The following PTPRF variants were observed in gnomAD, a reference collection of about 807,000 sequenced individuals.
PTPRF encodes the protein receptor-type tyrosine-protein phosphatase F.
Under a neutral mutation model 201.8 loss-of-function variants are expected in PTPRF, and 59 were observed. The ratio of observed to expected loss-of-function variants is 0.29; its 90% CI spans 0.24 to 0.36. The LOEUF is 0.36. PTPRF is among the 10% of genes least tolerant of loss of function. The pLI, the probability that PTPRF is intolerant of heterozygous loss-of-function variation, is 1.00. For missense variants in PTPRF, 2,132 were observed against 2,690.5 expected, an observed-to-expected ratio of 0.79 and a Z score of 4.59; for synonymous variants, 1,088 against 1,089.7, an observed-to-expected ratio of 1.00 and a Z score of 0.03.
intron 6 of PTPRF, among the ~76,000 whole-genome samples, chr1:43,577,652 G>C (rs964847860): frequency 1.3e-5 from 2 of 152,140 alleles, no homozygotes; most frequent in Non-Finnish European, 2.9e-5. Flanking sequence ...AGGCAGGGGG[G>C]GCCCGGCAGC....
intron 11 of PTPRF, 101 bp from the exon 12 acceptor site, chr1:43,597,647 G>A (rs1652679684): frequency 1.5e-5 from 14 of 908,300 alleles, no homozygotes; most frequent in Non-Finnish European, 2.2e-5. Context: ...CACCTAAGGG[G>A]TAGCCTGCCC....
intron 7 of PTPRF, among the ~76,000 whole-genome samples, chr1:43,583,749 T>C (rs1480268590): frequency 1.3e-5 from 2 of 152,122 alleles, no homozygotes; most frequent in African/African-American, 4.8e-5. Context: ...CTTGGCACCC[T>C]GAGGAAGTCT....
intron 3 of PTPRF, among the ~76,000 whole-genome samples, chr1:43,547,305 C>T (rs951725656): frequency 6.6e-6 from 1 of 152,226 alleles, no homozygotes; most frequent in Non-Finnish European, 1.5e-5. Flanking sequence ...CCTTAGGAAC[C>T]AAAGCCCAAA....
chr1:43,539,315 G>A (rs1644218264), intron 2 of PTPRF, among the ~76,000 whole-genome samples: 1 of 152,188 alleles, frequency 6.6e-6, no homozygotes, highest in Admixed American at 6.5e-5. Context: ...CTGACAACAT[G>A]GTGGTGCTGT....
At chr1:43,529,185 A>C (rs1044733317), upstream of PTPRF, among the ~76,000 whole-genome samples, 1 of 152,228 alleles carries the variant, frequency 6.6e-6, no homozygotes, top group African/African-American at 2.4e-5. Flanking sequence ...GTGGTGCACC[A>C]AAATTACCAA....
In PTPRF at chr1:43,605,615, T is replaced by C. The variant is rs779610758; in HGVS notation, c.3476T>C (p.Leu1159Pro). ...TGGAGCACACCCGAGGAACTGGAGC[T>C]GGACGAGGTACCTGGGGAGGGGATG... ...PRWSTPEELE[L>P]DELLEAIEQG... is the part of the protein sequence containing the mutation. Residue 1159 changes from leucine (L) to proline (P), a missense_variant, in exon 19 of 34, where the codon CTG (leucine) becomes CCG (proline). This residue lies in a region of PTPRF where 818 missense variants were observed against 915.3 expected (regional missense o/e 0.89). Coordinates refer to ENST00000359947, the MANE Select transcript of PTPRF (RefSeq NM_002840.5). The C allele has an allele frequency of 5.6e-6, 9 of 1,613,970 alleles. No homozygotes were observed. The highest frequency in any genetic ancestry group is 1.3e-5 in the African/African-American group (1 of 74,924).
intron 23 of PTPRF, among the ~76,000 whole-genome samples, chr1:43,615,549 G>GGCT (rs1557862810): frequency 3.4e-5 from 3 of 88,280 alleles, no homozygotes; most frequent in African/African-American, 1.3e-4. Context: ...TAGCTCTGTT[G>GGCT]TCTTTTTTTT....
At position 43,592,472 on chromosome 1, in the gene PTPRF, G is replaced by A. The variant is rs3748800; in HGVS notation, c.1684G>A (p.Asp562Asn). The change falls in exon 11 of 34, where the codon GAC becomes AAC. Residue 562 changes from aspartate (D) to asparagine (N), a missense_variant. Around this residue, in one of 6 missense-constraint regions of PTPRF, gnomAD observed 351 missense variants for 401.7 expected, o/e 0.87. Coordinates refer to ENST00000359947, the MANE Select transcript of PTPRF (RefSeq NM_002840.5). Reference sequence around the variant, plus strand: ...CTCTTCCCAGCACAAGGTGACCTTCGACCCAACCTCCTCCTACACACTAGA... The same window carrying A: ...CTCTTCCCAGCACAAGGTGACCTTCAACCCAACCTCCTCCTACACACTAGA... ...DEDQQHKVTF[D>N]PTSSYTLEDL... The A allele has an allele frequency of 6.9e-4, 1,113 of 1,610,838 alleles. 12 individuals are homozygous for A. The East Asian group carries it at 0.02, about 29-fold the overall frequency.
chr1:43,542,057 T>C lies in PTPRF; in HGVS notation c.-45-2974T>C, dbSNP rs1347854692. ...GTCAGGCTAGCAGCAGCCCTGCCCC[T>C]TGTTCCTCTCCCACCTTCTCCCCAC... On this transcript the variant is annotated intron_variant, in intron 2 of 33. Coordinates refer to ENST00000359947, the MANE Select transcript of PTPRF (RefSeq NM_002840.5). This position sits in a 1 kb window ranked among gnomAD's most constrained non-coding sequence, Gnocchi z 5.2. Among the ~76,000 whole-genome samples, 1 of 152,182 alleles carries C rather than the reference T, an allele frequency of 6.6e-6. No individual in the cohort carries two copies. Among genetic ancestry groups the C allele is most frequent in the African/African-American group, 2.4e-5 (1 of 41,438 alleles).
chr1:43,620,778 C>G, intron 31 of PTPRF, 60 bp from the exon 32 acceptor site: 1 of 1,575,060 alleles, frequency 6.3e-7, no homozygotes, highest in Non-Finnish European at 8.6e-7. Context: ...CTGGTCTAGT[C>G]CAGAGGGGTG....
In PTPRF at chr1:43,606,264, G is replaced by A. The variant is rs766088168; in HGVS notation, c.3508G>A (p.Gly1170Arg). The change falls in exon 20 of 34, where the codon GGA (glycine) becomes AGA (arginine). Residue 1170 changes from glycine to arginine, a missense_variant. This residue lies in a region of PTPRF where 818 missense variants were observed against 915.3 expected (regional missense o/e 0.89). Transcript: ENST00000359947. ...DELLEAIEQG[G>R]EEQRRRRRQA... Reference sequence around the variant, plus strand: ...GCTTCTAGAAGCCATCGAGCAAGGCGGAGAGGAGCAGCGGCGGCGGCGGCG... The same window carrying A: ...GCTTCTAGAAGCCATCGAGCAAGGCAGAGAGGAGCAGCGGCGGCGGCGGCG... 1.1e-5 allele frequency: 18 copies of A among 1,613,640 alleles called. No homozygotes were observed. Among genetic ancestry groups the A allele is most frequent in the South Asian group, 8.8e-5 (8 of 91,082 alleles).
At chr1:43,536,890 A>G (rs987924103) in intron 1 of PTPRF, among the ~76,000 whole-genome samples, 1 of 152,124 alleles carries the variant, frequency 6.6e-6, no homozygotes, top group Non-Finnish European at 1.5e-5. Flanking sequence ...GAGTACCCCC[A>G]TATTGGCAGA....
chr1:43,569,604 C>G lies in PTPRF; in HGVS notation c.394C>G (p.Pro132Ala), dbSNP rs1034102532. Residue 132 changes from proline to alanine, a missense_variant, in exon 6 of 34, where the codon CCT becomes GCT. Physicochemically the swap from Pro to Ala is conservative, Grantham distance 27. Coordinates refer to ENST00000359947, the MANE Select transcript of PTPRF (RefSeq NM_002840.5). Reference sequence around the variant, plus strand: ...TTTGTCTGCAGAGGAACAGCTGCCCCCTGGGTTCCCTTCCATCGACATGGG... The same window carrying G: ...TTTGTCTGCAGAGGAACAGCTGCCCGCTGGGTTCCCTTCCATCGACATGGG... ...LSVLEEEQLPPGFPSIDMGPQ... is the reference protein window; with the variant it reads ...LSVLEEEQLPAGFPSIDMGPQ... 1.2e-6 allele frequency: 2 copies of G among 1,607,652 alleles called. No individual in the cohort carries two copies. Among genetic ancestry groups the G allele is most frequent in the South Asian group, 2.2e-5 (2 of 90,430 alleles).
At chr1:43,595,409 A>G (rs1485002074) in intron 11 of PTPRF, among the ~76,000 whole-genome samples, 3 of 151,612 alleles carry the variant, frequency 2.0e-5, no homozygotes, top group Non-Finnish European at 4.4e-5. Flanking sequence ...TTTAGTAGAG[A>G]CAGTGTTTCA....
upstream of PTPRF, among the ~76,000 whole-genome samples, chr1:43,528,187 G>A (rs1643198127): frequency 6.6e-6 from 1 of 152,160 alleles, no homozygotes; most frequent in Non-Finnish European, 1.5e-5. Flanking sequence ...GGTAGAGCAA[G>A]TCTTTTATTT....
At chr1:43,536,176 GGTTGTCCTGGTT>G (rs771545224) in intron 1 of PTPRF, among the ~76,000 whole-genome samples, 8 of 152,182 alleles carry the variant, frequency 5.3e-5, no homozygotes, top group Non-Finnish European at 1.0e-4. Flanking sequence ...GGGTGTATCT[GGTTGTCCTGGTT>G]GTTCTGGGCT....
rs114716607 is a variant in PTPRF, at chr1:43,598,430, G to T, written c.2120-290G>T. The T allele has an allele frequency of 7.1e-3, 3,567 of 504,598 alleles. 114 individuals are homozygous for T. Among genetic ancestry groups the T allele is most frequent in the African/African-American group, 0.063 (3,249 of 51,850 alleles). 31.3% of individuals were successfully genotyped at this position (504,598 alleles called of 1,614,324 possible). A position where few individuals can be genotyped will look rare whatever the true frequency, so the allele number is the denominator to read the frequency against. On this transcript the variant is annotated intron_variant, in intron 12 of 33. Coordinates refer to ENST00000359947, the MANE Select transcript of PTPRF (RefSeq NM_002840.5). ...TCAGGACAGGTTGTGCTGACTAGGG[G>T]TGGTCAAAGACCTGGTGCCCCACCT...
chr1:43,613,592 G>T (rs1436319669), intron 22 of PTPRF, 26 bp from the exon 23 acceptor site: 1 of 1,575,866 alleles, frequency 6.3e-7, no homozygotes, highest in Non-Finnish European at 8.7e-7. Context: ...CACTAATGCT[G>T]CCTGTGTATG....
At chr1:43,531,442 C>A (rs1369134933) in intron 1 of PTPRF, among the ~76,000 whole-genome samples, 1 of 127,470 alleles carries the variant, frequency 7.8e-6, no homozygotes, top group South Asian at 2.9e-4. Flanking sequence ...CGTTCTTGCT[C>A]CCCCTCATCG....
Sources: gnomAD v4.1 joint callset for allele counts (sites outside exome capture counted in the v4.1 genomes callset) on GRCh38, gnomAD v4.1.1 for gene constraint, gnomAD v4.1.1 regional missense constraint, Gnocchi (gnomAD v3.1) non-coding constraint, MANE v1.5 for transcripts, NCBI Gene and HGNC (gene_info 2026-07-23, HGNC 2026-07-21) for gene names.